The following COLEC11 variants were observed in gnomAD, a reference collection of about 807,000 sequenced individuals.
COLEC11 encodes collectin subfamily member 11, also known as collectin-11.
In COLEC11, 20 loss-of-function variants were observed where a neutral mutation model predicts 27.3. That is an observed-to-expected ratio of 0.73 (90% CI 0.51 to 1.06). COLEC11 has a LOEUF of 1.06. Among genes scored for constraint, COLEC11 ranks in the 50% least tolerant of loss-of-function variants. COLEC11 has a pLI of 0.00. For missense variants in COLEC11, 310 were observed against 383.0 expected (o/e 0.81, Z 1.59); for synonymous variants, 163 against 154.7 (o/e 1.05, Z -0.40).
chr2:3,625,045 A>G (rs1288036061), intron 3 of COLEC11, among the ~76,000 whole-genome samples: 1 of 152,166 alleles, frequency 6.6e-6, no homozygotes, highest in Non-Finnish European at 1.5e-5. Flanking sequence ...TATGGGGTTA[A>G]AGTCTGATAG....
Position 3,595,958 on chromosome 2 carries a change from C to A in COLEC11, c.-27+790C>A, listed in dbSNP as rs564261364. Among the ~76,000 whole-genome samples the A allele has an allele frequency of 1.4e-3, 214 of 152,308 alleles. 3 individuals carry two copies. The South Asian group carries it at 0.03, about 21-fold the overall frequency. On this transcript the variant is annotated intron_variant, in intron 1 of 6. Transcript: ENST00000349077. ...ACTGCCCCAATCTTTCACAGCTATT[C>A]GATTTTGTTTACAATTTTGAAAAAT...
intron 1 of COLEC11, among the ~76,000 whole-genome samples, chr2:3,599,785 G>C (rs1038155847): frequency 6.6e-6 from 1 of 152,196 alleles, no homozygotes; most frequent in African/African-American, 2.4e-5. Context: ...AGTCATGAGG[G>C]TGAGCTCCAC....
At chr2:3,598,869 G>A (rs534597130) in intron 1 of COLEC11, among the ~76,000 whole-genome samples, 15 of 152,332 alleles carry the variant, frequency 9.8e-5, no homozygotes, top group Middle Eastern at 3.4e-3. Context: ...GTGAGGAACT[G>A]TAATAAGGTA....
intron 3 of COLEC11, among the ~76,000 whole-genome samples, chr2:3,622,970 G>A (rs1664286922): frequency 6.6e-6 from 1 of 152,144 alleles, no homozygotes; most frequent in Non-Finnish European, 1.5e-5. Flanking sequence ...TACATTTCTT[G>A]TAAGGGAAGT....
chr2:3,629,691 A>G (rs1417487427), intron 3 of COLEC11, among the ~76,000 whole-genome samples: 1 of 152,112 alleles, frequency 6.6e-6, no homozygotes, highest in Middle Eastern at 3.2e-3. Flanking sequence ...ATGCATGGGT[A>G]TGTCATGTGA....
intron 3 of COLEC11, among the ~76,000 whole-genome samples, chr2:3,629,802 G>A (rs1191993655): frequency 6.6e-6 from 1 of 152,170 alleles, no homozygotes; most frequent in Non-Finnish European, 1.5e-5. Context: ...AATCACTGAG[G>A]AAACTGAATT....
intron 3 of COLEC11, among the ~76,000 whole-genome samples, chr2:3,615,671 T>C (rs1163895423): frequency 6.6e-6 from 1 of 151,756 alleles, no homozygotes; most frequent in Non-Finnish European, 1.5e-5. Flanking sequence ...CCAGACGGGG[T>C]GGCGGCCGGG....
At chr2:3,621,682 T>C (rs1399058907) in intron 3 of COLEC11, among the ~76,000 whole-genome samples, 1 of 152,242 alleles carries the variant, frequency 6.6e-6, no homozygotes, top group Non-Finnish European at 1.5e-5. Flanking sequence ...CATTGATTCC[T>C]TTTTCTTTCT....
At position 3,604,319 on chromosome 2, in the gene COLEC11, T is replaced by C. The variant is rs759103325; in HGVS notation, c.-22T>C. The C allele has an allele frequency of 1.9e-6, 3 of 1,613,450 alleles. No individual in the cohort carries two copies. In the South Asian group the frequency reaches 3.3e-5, roughly 18 times the overall value. On this transcript the variant is annotated 5_prime_UTR_variant, in exon 2 of 7. Coordinates refer to ENST00000349077, the MANE Select transcript of COLEC11 (RefSeq NM_024027.5). ...TTTATTCCTTCCTCTGTGTAGGAGT[T>C]GGTGTCCTGCCTGCGCTCAGGATGA...
At chr2:3,643,586 C>A in intron 6 of COLEC11, 47 bp downstream of exon 6, 1 of 1,599,792 alleles carries the variant, frequency 6.3e-7, no homozygotes, top group Non-Finnish European at 8.6e-7. Context: ...CCTCCCAGCC[C>A]TGTCCTGAGC....
At chr2:3,620,147 C>G (rs1664077489) in intron 3 of COLEC11, among the ~76,000 whole-genome samples, 1 of 152,136 alleles carries the variant, frequency 6.6e-6, no homozygotes, top group African/African-American at 2.4e-5. Flanking sequence ...GTATTAATTC[C>G]TATTTAAATT....
chr2:3,625,909 A>T, intron 3 of COLEC11: 1 of 1,057,502 alleles, frequency 9.5e-7, no homozygotes, highest in Non-Finnish European at 1.5e-6. Context: ...CCGGGATTAT[A>T]GGCATGAGCC....
intron 1 of COLEC11, among the ~76,000 whole-genome samples, chr2:3,599,874 G>A (rs1162304696): frequency 1.3e-5 from 2 of 152,222 alleles, no homozygotes; most frequent in Admixed American, 6.5e-5. Flanking sequence ...TAATCCATAA[G>A]CTACAACTAC....
rs768130296 is a variant in COLEC11, at chr2:3,643,502, C to G, written c.387C>G (p.Val129=). The G allele has an allele frequency of 1.2e-6, 2 of 1,613,926 alleles. No individual in the cohort carries two copies. Among genetic ancestry groups the G allele is most frequent in the Admixed American group, 1.7e-5 (1 of 60,034 alleles). ...CCATCGGGGAGATGGACAACCAGGTCTCTCAGCTGACCAGCGAGCTCAAGT... is the reference window on the plus strand; with the variant it reads ...CCATCGGGGAGATGGACAACCAGGTGTCTCAGCTGACCAGCGAGCTCAAGT... ...RKAIGEMDNQ[V]SQLTSELKFI... The change falls in exon 6 of 7, where the codon GTC becomes GTG. Residue 129 remains valine, a synonymous_variant. Transcript: ENST00000349077.
intron 4 of COLEC11, among the ~76,000 whole-genome samples, chr2:3,639,988 A>G (rs752392623): frequency 2.6e-5 from 4 of 152,218 alleles, no homozygotes; most frequent in Non-Finnish European, 5.9e-5. Flanking sequence ...CCAGGGATTC[A>G]TGAGGCGATG....
chr2:3,607,962 A>G (rs1662865051), intron 2 of COLEC11, among the ~76,000 whole-genome samples: 1 of 152,136 alleles, frequency 6.6e-6, no homozygotes, highest in Non-Finnish European at 1.5e-5. Flanking sequence ...GTGCCGTGGC[A>G]CTTGTTGTGG....
chr2:3,603,798 A>G, intron 1 of COLEC11: 2 of 823,920 alleles, frequency 2.4e-6, no homozygotes, highest in Non-Finnish European at 3.9e-6. Flanking sequence ...TCACCGAGGA[A>G]GGCCAGGTGC....
At chr2:3,604,222 AG>A in intron 1 of COLEC11, 92 bp from the exon 2 acceptor site, 5 of 1,402,232 alleles carry the variant, frequency 3.6e-6, no homozygotes, top group Non-Finnish European at 5.0e-6. Flanking sequence ...AGGCACCAGG[AG>A]GGCTACACCC....
chr2:3,633,623 A>G (rs894758062), intron 3 of COLEC11, among the ~76,000 whole-genome samples: 1 of 152,172 alleles, frequency 6.6e-6, no homozygotes, highest in African/African-American at 2.4e-5. Flanking sequence ...AGCGGGGACC[A>G]CAGCTGACCG....
Sources: gnomAD v4.1 joint callset for allele counts (sites outside exome capture counted in the v4.1 genomes callset) on GRCh38, gnomAD v4.1.1 for gene constraint, MANE v1.5 for transcripts, NCBI Gene and HGNC (gene_info 2026-07-23, HGNC 2026-07-21) for gene names.